TTC33: variants seen among roughly 807,000 people sequenced by gnomAD.
TTC33 encodes the protein tetratricopeptide repeat protein 33.
A neutral mutation model predicts 29.4 loss-of-function variants in TTC33; 24 were observed. The ratio of observed to expected loss-of-function variants is 0.82; its 90% CI spans 0.59 to 1.15. The LOEUF (loss-of-function observed/expected upper bound fraction) is 1.15, where lower values mean the gene tolerates loss of function less well. Ranked by LOEUF, TTC33 falls within the 50% of genes most tolerant of loss-of-function variation. The pLI is 0.00. For synonymous variants in TTC33, 107 were observed against 100.3 expected, an observed-to-expected ratio of 1.07 and a Z score of -0.40; for missense variants, 286 against 310.4, an observed-to-expected ratio of 0.92 and a Z score of 0.59.
chr5:40,740,049 CAACAT>C (rs1316202254), intron 2 of TTC33, among the ~76,000 whole-genome samples: 1 of 152,030 alleles, frequency 6.6e-6, no homozygotes, highest in Non-Finnish European at 1.5e-5. Flanking sequence ...GGTTTGAATA[CAACAT>C]AACAGCCTAA....
intron 1 of TTC33, among the ~76,000 whole-genome samples, chr5:40,750,807 C>T (rs1164688240): frequency 6.6e-6 from 1 of 152,186 alleles, no homozygotes; most frequent in Admixed American, 6.5e-5. Flanking sequence ...GCGTAGATTC[C>T]ATCTCAAGAA....
chr5:40,729,578 C>G (rs936450237), intron 3 of TTC33, among the ~76,000 whole-genome samples: 2 of 152,132 alleles, frequency 1.3e-5, no homozygotes, highest in African/African-American at 4.8e-5. Flanking sequence ...CATCTAGAAC[C>G]CAATCCATCC....
chr5:40,723,447 T>TA (rs1341861258), intron 4 of TTC33, among the ~76,000 whole-genome samples: 4 of 147,942 alleles, frequency 2.7e-5, no homozygotes, highest in African/African-American at 7.5e-5. Context: ...TAAAAAAATT[T>TA]AAAAAAATTT....
chr5:40,719,622 A>G (rs1742083332), intron 4 of TTC33, among the ~76,000 whole-genome samples: 1 of 152,222 alleles, frequency 6.6e-6, no homozygotes, highest in African/African-American at 2.4e-5. Context: ...AGGAGCTGCC[A>G]GACTGTTTTC....
chr5:40,735,906 G>A (rs1742539463), intron 2 of TTC33, among the ~76,000 whole-genome samples: 1 of 152,190 alleles, frequency 6.6e-6, no homozygotes, highest in South Asian at 2.1e-4. Context: ...ACAGAAATAT[G>A]ACTGGATGGT....
At chr5:40,745,874 AC>A (rs1441862992) in intron 2 of TTC33, among the ~76,000 whole-genome samples, 1 of 152,048 alleles carries the variant, frequency 6.6e-6, no homozygotes, top group African/African-American at 2.4e-5. Flanking sequence ...TGCTGGGATT[AC>A]TAGTATAAGC....
intron 2 of TTC33, 59 bp downstream of exon 2, chr5:40,746,739 G>T (rs894901442): frequency 2.4e-6 from 3 of 1,261,800 alleles, no homozygotes; most frequent in South Asian, 1.4e-5. Context: ...ATCCCATTAC[G>T]GACAGTGAGC....
At chr5:40,743,064 A>G (rs1579689286) in intron 2 of TTC33, among the ~76,000 whole-genome samples, 1 of 152,356 alleles carries the variant, frequency 6.6e-6, no homozygotes, top group East Asian at 1.9e-4. Flanking sequence ...AAAACAACAT[A>G]TAAACAAAAT....
At chr5:40,738,473 AC>A (rs1742607585) in intron 2 of TTC33, among the ~76,000 whole-genome samples, 1 of 137,274 alleles carries the variant, frequency 7.3e-6, no homozygotes, top group African/African-American at 2.7e-5. Context: ...ACAATACAAT[AC>A]AATACAATAC....
intron 1 of TTC33, among the ~76,000 whole-genome samples, chr5:40,747,537 C>G (rs529070120): frequency 6.6e-6 from 1 of 152,180 alleles, no homozygotes; most frequent in Non-Finnish European, 1.5e-5. Context: ...TAGCATGTCA[C>G]TCATGAAGTA....
chr5:40,734,592 A>C (rs1742505514), intron 2 of TTC33, among the ~76,000 whole-genome samples: 1 of 152,240 alleles, frequency 6.6e-6, no homozygotes, highest in Admixed American at 6.5e-5. Flanking sequence ...ACACTCATTT[A>C]CCAAATAGAA....
At chr5:40,726,195 T>A (rs890427721) in intron 4 of TTC33, among the ~76,000 whole-genome samples, 1 of 146,242 alleles carries the variant, frequency 6.8e-6, no homozygotes, top group African/African-American at 2.6e-5. Flanking sequence ...ATAAAATGTA[T>A]ACCATATACA....
chr5:40,718,125 C>A (rs995511099), intron 4 of TTC33, among the ~76,000 whole-genome samples: 4 of 151,302 alleles, frequency 2.6e-5, no homozygotes, highest in African/African-American at 4.9e-5. Flanking sequence ...TTAGAGAAGT[C>A]ATAAAGAAGA....
At chr5:40,732,634 C>G (rs536560027) in intron 2 of TTC33, among the ~76,000 whole-genome samples, 1 of 151,948 alleles carries the variant, frequency 6.6e-6, no homozygotes, top group African/African-American at 2.4e-5. Flanking sequence ...CAGTCTTGCT[C>G]TGTCACCCAG....
intron 2 of TTC33, among the ~76,000 whole-genome samples, chr5:40,743,452 T>G (rs1346679858): frequency 6.6e-6 from 1 of 152,152 alleles, no homozygotes; most frequent in African/African-American, 2.4e-5. Context: ...TTCCTTATAT[T>G]ACTTTCAATC....
chr5:40,728,788 T>C (rs1742356050), intron 3 of TTC33, among the ~76,000 whole-genome samples: 1 of 152,248 alleles, frequency 6.6e-6, no homozygotes, highest in Non-Finnish European at 1.5e-5. Flanking sequence ...CTTCCATTTA[T>C]TCTATTTACA....
At chr5:40,754,340 A>G (rs1057188230) in intron 1 of TTC33, among the ~76,000 whole-genome samples, 2 of 152,230 alleles carry the variant, frequency 1.3e-5, no homozygotes, top group African/African-American at 4.8e-5. Flanking sequence ...AGGAGTTAAT[A>G]TTGAGTGAAA....
chr5:40,750,477 G>A (rs1026422625), intron 1 of TTC33, among the ~76,000 whole-genome samples: 7 of 152,036 alleles, frequency 4.6e-5, no homozygotes, highest in Non-Finnish European at 8.8e-5. Context: ...AGGATCACCT[G>A]AGCCCAGGAG....
At chr5:40,722,645 G>C in intron 4 of TTC33, among the ~76,000 whole-genome samples, 1 of 151,616 alleles carries the variant, frequency 6.6e-6, no homozygotes, top group Non-Finnish European at 1.5e-5. Flanking sequence ...GCCCCGTCTG[G>C]GAAGTGAGGC....
Sources: allele counts gnomAD v4.1 joint callset (sites outside exome capture counted in the v4.1 genomes callset), GRCh38; gene constraint gnomAD v4.1.1; transcripts MANE v1.5; gene names NCBI Gene and HGNC (gene_info 2026-07-23, HGNC 2026-07-21).